Variants in SLC18B1 observed in about 807,000 individuals in gnomAD.
SLC18B1 encodes MFS-type transporter SLC18B1.
In SLC18B1, 62 loss-of-function variants were observed where a neutral mutation model predicts 53.9. That is an observed-to-expected ratio of 1.15 (90% CI 0.94 to 1.42). SLC18B1 has a LOEUF of 1.42. Among genes scored for constraint, SLC18B1 ranks in the 40% most tolerant of loss-of-function variants. The pLI is 0.00. For missense variants in SLC18B1, 598 were observed against 547.3 expected, an observed-to-expected ratio of 1.09 and a Z score of -0.93; for synonymous variants, 217 against 200.9, an observed-to-expected ratio of 1.08 and a Z score of -0.68.
intron 13 of SLC18B1, among the ~76,000 whole-genome samples, chr6:132,770,555 G>A (rs1780943675): frequency 6.6e-6 from 1 of 152,082 alleles, no homozygotes; most frequent in Non-Finnish European, 1.5e-5. Flanking sequence ...GGCCAACATG[G>A]TGAAACCCTG....
chr6:132,787,593 T>TTCC lies in SLC18B1; in HGVS notation c.354-13_354-12insGGA. The TTCC allele has an allele frequency of 6.5e-7, 1 of 1,531,116 alleles. No individual in the cohort carries two copies. The highest frequency in any genetic ancestry group is 8.7e-7 in the Non-Finnish European group (1 of 1,146,286). The allele number at this position is 1,531,116 out of a possible 1,614,324, so 94.8% of individuals were successfully genotyped here. Reference sequence around the variant, plus strand: ...CTCGGTCCAATACACTAAAAAGGAATAAGACAATTCTGAAATGCCAAGCTG... The same window carrying TTCC: ...CTCGGTCCAATACACTAAAAAGGAATTCCAAGACAATTCTGAAATGCCAAGCTG... On this transcript the variant is annotated splice_polypyrimidine_tract_variant and intron_variant, in intron 4 of 13. Transcript: ENST00000275227.
chr6:132,771,685 C>G (rs562479188), intron 11 of SLC18B1, among the ~76,000 whole-genome samples: 12 of 152,150 alleles, frequency 7.9e-5, no homozygotes. Context: ...TCTGGCTTTC[C>G]CCTAGATGAA....
intron 10 of SLC18B1, 100 bp downstream of exon 10, chr6:132,772,892 CA>C: frequency 1.3e-6 from 1 of 770,990 alleles, no homozygotes; most frequent in Middle Eastern, 2.4e-4. Flanking sequence ...AACATTGGGG[CA>C]AAAATATCCA....
At chr6:132,795,262 C>G (rs973879611) in intron 2 of SLC18B1, among the ~76,000 whole-genome samples, 1 of 151,858 alleles carries the variant, frequency 6.6e-6, no homozygotes. Context: ...TTTTTTCACT[C>G]CCAAAGGGCA....
intron 2 of SLC18B1, among the ~76,000 whole-genome samples, chr6:132,791,033 T>A (rs1301032054): frequency 6.6e-6 from 1 of 152,194 alleles, no homozygotes; most frequent in Non-Finnish European, 1.5e-5. Context: ...CATATAAAAA[T>A]AGAAAGTTTA....
chr6:132,773,313 T>C (rs962191311), intron 9 of SLC18B1, among the ~76,000 whole-genome samples: 8 of 151,832 alleles, frequency 5.3e-5, no homozygotes, highest in Non-Finnish European at 8.8e-5. Flanking sequence ...CATCCTGATA[T>C]CTCCATCTCT....
rs766666498 is a variant in SLC18B1 at position 132,769,902 on chromosome 6, A to G, written c.*368T>C. ...CTTTCCCTGTTAATAAAAAAGGTAC[A>G]TTCACAGAATCAGTGTACTTAGAAT... On this transcript the variant is annotated 3_prime_UTR_variant, in exon 14 of 14. Coordinates refer to ENST00000275227, the MANE Select transcript of SLC18B1 (RefSeq NM_052831.3). 5.6e-5 allele frequency: 9 copies of G among 161,960 alleles called. No individual in the cohort carries two copies. The highest frequency in any genetic ancestry group is 8.0e-5 in the Non-Finnish European group (6 of 74,742). The allele number at this position is 161,960 out of a possible 1,614,324, so 10.0% of individuals were successfully genotyped here.
chr6:132,785,784 G>C (rs956786232), intron 5 of SLC18B1, among the ~76,000 whole-genome samples: 2 of 151,502 alleles, frequency 1.3e-5, no homozygotes, highest in African/African-American at 2.4e-5. Flanking sequence ...TTACAGCCAG[G>C]TGTGGTGGCT....
At chr6:132,791,268 C>G (rs915003598) in intron 2 of SLC18B1, among the ~76,000 whole-genome samples, 7 of 152,162 alleles carry the variant, frequency 4.6e-5, no homozygotes, top group African/African-American at 1.7e-4. Context: ...TTAGATCCAT[C>G]CTTTTGGCAG....
intron 2 of SLC18B1, among the ~76,000 whole-genome samples, chr6:132,796,760 T>G (rs188493244): frequency 6.6e-6 from 1 of 152,172 alleles, no homozygotes; most frequent in African/African-American, 2.4e-5. Context: ...TCAACTACTT[T>G]TAGGTGAATT....
rs761954208 is a variant in SLC18B1, at chr6:132,779,398, T to A, written c.665A>T (p.Asp222Val). The A allele has an allele frequency of 6.3e-7, 1 of 1,597,912 alleles. No individual in the cohort carries two copies. The highest frequency in any genetic ancestry group is 8.6e-7 in the Non-Finnish European group (1 of 1,168,926). ...TTTCCAGAATGAGTGTTCACCTGGA[T>A]CAGACTCTTTAGGGAAAAAATGAAA... is the stretch of plus-strand genomic sequence containing the variant. ...NMYILPNYESDPGEHSFWKLI... is the reference protein window; with the variant it reads ...NMYILPNYESVPGEHSFWKLI... Residue 222 changes from aspartate (D) to valine (V), a missense_variant, in exon 7 of 14, where the codon GAT becomes GTT. By Grantham distance (152) the Asp-to-Val change is radical (BLOSUM62 -3). Transcript: ENST00000275227.
intron 2 of SLC18B1, 30 bp from the exon 3 acceptor site, chr6:132,790,302 T>C (rs1781491101): frequency 6.8e-7 from 1 of 1,471,508 alleles, no homozygotes; most frequent in Non-Finnish European, 9.1e-7. Context: ...AAACAAAGTT[T>C]CAAAGAAAAA....
At chr6:132,781,525 A>G (rs6912936) in intron 6 of SLC18B1, among the ~76,000 whole-genome samples, 35,054 of 152,052 alleles carry the variant, frequency 0.23, 6,441 homozygotes, top group African/African-American at 0.51. Flanking sequence ...CTGGGGGGCC[A>G]AAATGGGTGG....
At chr6:132,793,080 C>T (rs539251889) in intron 2 of SLC18B1, among the ~76,000 whole-genome samples, 24 of 152,134 alleles carry the variant, frequency 1.6e-4, no homozygotes, top group African/African-American at 3.6e-4. Context: ...GAGACGATGC[C>T]GCAGCACTCC....
At chr6:132,778,512 T>C (rs1781150930) in intron 7 of SLC18B1, among the ~76,000 whole-genome samples, 3 of 152,172 alleles carry the variant, frequency 2.0e-5, no homozygotes, top group African/African-American at 7.2e-5. Flanking sequence ...TCAGAAAGCA[T>C]TGGAAATGAC....
chr6:132,774,333 G>C lies in SLC18B1; in HGVS notation c.898-20C>G. ...TAGAGGCTGGTAAAGGAGAAAGAGA[G>C]TCAAAATGATTCTTAGAGGCAAAGA... On this transcript the variant is annotated intron_variant, in intron 8 of 13. Transcript: ENST00000275227. 6.3e-7 allele frequency: 1 copy of C among 1,580,906 alleles called. No homozygotes were observed.
chr6:132,784,776 T>G (rs2114674641), intron 5 of SLC18B1, among the ~76,000 whole-genome samples: 1 of 152,332 alleles, frequency 6.6e-6, no homozygotes, highest in East Asian at 1.9e-4. Context: ...GCTTATGTGC[T>G]ATAGCAGAGT....
intron 5 of SLC18B1, among the ~76,000 whole-genome samples, chr6:132,786,273 C>A (rs965857451): frequency 6.6e-6 from 1 of 152,126 alleles, no homozygotes; most frequent in Admixed American, 6.5e-5. Context: ...GTGCCGGGCA[C>A]GGTGGCTCAC....
At chr6:132,778,535 C>T (rs953121459) in intron 7 of SLC18B1, among the ~76,000 whole-genome samples, 1 of 152,120 alleles carries the variant, frequency 6.6e-6, no homozygotes, top group African/African-American at 2.4e-5. Flanking sequence ...TATTAAGCAA[C>T]TTTGTTGATA....
Sources: gnomAD v4.1 joint callset for allele counts (sites outside exome capture counted in the v4.1 genomes callset) on GRCh38, gnomAD v4.1.1 for gene constraint, MANE v1.5 for transcripts, NCBI Gene and HGNC (gene_info 2026-07-23, HGNC 2026-07-21) for gene names.